The following TBC1D14 variants were observed in gnomAD, a reference collection of about 807,000 sequenced individuals.
The protein encoded by TBC1D14 is TBC1 domain family, member 14.
A neutral mutation model predicts 79.0 loss-of-function variants in TBC1D14; 26 were observed. The ratio of observed to expected loss-of-function variants is 0.33; its 90% CI spans 0.24 to 0.46. The LOEUF is 0.46. TBC1D14 is among the 20% of genes least tolerant of loss of function. TBC1D14 has a pLI of 1.00. For synonymous variants in TBC1D14, 394 were observed against 349.9 expected, an observed-to-expected ratio of 1.13 and a Z score of -1.40; for missense variants, 769 against 887.6, an observed-to-expected ratio of 0.87 and a Z score of 1.70.
At chr4:6,984,455 A>T (rs1188253049) in intron 3 of TBC1D14, among the ~76,000 whole-genome samples, 1 of 151,326 alleles carries the variant, frequency 6.6e-6, no homozygotes, top group Admixed American at 6.6e-5. Flanking sequence ...ACCTTGCTGC[A>T]GTAATAATTC....
intron 3 of TBC1D14, among the ~76,000 whole-genome samples, chr4:6,991,533 C>G (rs754181969): frequency 2.6e-5 from 4 of 152,340 alleles, no homozygotes; most frequent in South Asian, 4.1e-4. Flanking sequence ...AGGCAGGAAA[C>G]CATGCCTGCC....
chr4:6,909,596 G>C (rs541214912), upstream of TBC1D14: 2 of 151,582 alleles, frequency 1.3e-5, no homozygotes, highest in East Asian at 3.9e-4. Flanking sequence ...TGGTTCTCCG[G>C]CAAAAAAAAA....
At chr4:7,013,586 G>A (rs1455146904) in intron 11 of TBC1D14, among the ~76,000 whole-genome samples, 1 of 152,156 alleles carries the variant, frequency 6.6e-6, no homozygotes, top group African/African-American at 2.4e-5. Flanking sequence ...GGGCTGTAAC[G>A]CCCTCCTTTC....
intron 5 of TBC1D14, chr4:6,997,172 T>C (rs1273529501): frequency 6.6e-6 from 1 of 152,242 alleles, no homozygotes; most frequent in Admixed American, 6.6e-5. Context: ...CCATCCCTGA[T>C]AGAGGACCGG....
intron 2 of TBC1D14, among the ~76,000 whole-genome samples, chr4:6,937,405 C>T (rs1409519280): frequency 6.6e-6 from 1 of 152,158 alleles, no homozygotes; most frequent in Non-Finnish European, 1.5e-5. Flanking sequence ...CCCTCATGAC[C>T]TAGTCACCTC....
chr4:6,955,323 A>G (rs1216042327), intron 2 of TBC1D14, among the ~76,000 whole-genome samples: 1 of 152,114 alleles, frequency 6.6e-6, no homozygotes, highest in Non-Finnish European at 1.5e-5. Context: ...GAATAACAGG[A>G]TTGCTATGTC....
At chr4:6,937,074 C>T (rs998499515) in intron 2 of TBC1D14, among the ~76,000 whole-genome samples, 5 of 152,076 alleles carry the variant, frequency 3.3e-5, no homozygotes, top group East Asian at 1.9e-4. Flanking sequence ...TGTGCCACTG[C>T]GCCCGGCTAA....
intron 9 of TBC1D14, chr4:7,007,537 T>C: frequency 7.8e-7 from 1 of 1,289,386 alleles, no homozygotes; most frequent in Non-Finnish European, 1.0e-6. Flanking sequence ...CTCATCTTTG[T>C]GGATTTCCGT....
At chr4:7,024,146 G>T (rs973061603) in intron 12 of TBC1D14, among the ~76,000 whole-genome samples, 6 of 152,192 alleles carry the variant, frequency 3.9e-5, no homozygotes, top group Admixed American at 6.5e-5. Flanking sequence ...TTGTGAGCAG[G>T]TTGACCAGTG....
At chr4:7,017,521 G>C (rs1242918374) in intron 12 of TBC1D14, among the ~76,000 whole-genome samples, 1 of 152,196 alleles carries the variant, frequency 6.6e-6, no homozygotes, top group Non-Finnish European at 1.5e-5. Context: ...GGAATAGCAT[G>C]TCGAGTGTAG....
At position 6,923,933 on chromosome 4, in the gene TBC1D14, G is replaced by T; in HGVS notation, c.544G>T (p.Val182Phe). The T allele has an allele frequency of 1.2e-6, 2 of 1,614,120 alleles. No individual in the cohort carries two copies. Among genetic ancestry groups the T allele is most frequent in the Non-Finnish European group, 1.7e-6 (2 of 1,180,030 alleles). ...CAATGAGGACATCTTGGACCTTGTG[G>T]TCACGAGCAGCTCCAGTGCCATTGT... Reference protein sequence around the residue: ...VSNEDILDLVVTSSSSAIVTL... With the variant: ...VSNEDILDLVFTSSSSAIVTL... Residue 182 changes from valine (V) to phenylalanine (F), a missense_variant, in exon 2 of 14, where the codon GTC (valine) becomes TTC (phenylalanine). Val to Phe is a conservative substitution (Grantham distance 50). Transcript: ENST00000409757.
chr4:6,929,656 G>A (rs1345398177), intron 2 of TBC1D14, among the ~76,000 whole-genome samples: 4 of 152,150 alleles, frequency 2.6e-5, no homozygotes, highest in Admixed American at 6.5e-5. Flanking sequence ...ACGCCCAGAT[G>A]GGGCAGGACT....
In TBC1D14 at chr4:6,998,150, A is replaced by C. The variant is rs139872278; in HGVS notation, c.1046-935A>C. On this transcript the variant is annotated intron_variant, in intron 5 of 13. Transcript: ENST00000409757. ...CTTTGAGAAGCCAAGGCGGGTGGTCAGGAGTTTGAGACCAGCCTGGCCAAC... is the reference window on the plus strand; with the variant it reads ...CTTTGAGAAGCCAAGGCGGGTGGTCCGGAGTTTGAGACCAGCCTGGCCAAC... Among the ~76,000 whole-genome samples, 470 of 152,186 alleles carry C rather than the reference A, an allele frequency of 3.1e-3. 1 individual carries two copies. Among genetic ancestry groups the C allele is most frequent in the African/African-American group, 0.011 (441 of 41,532 alleles).
At chr4:6,961,764 G>T (rs938957515) in intron 2 of TBC1D14, among the ~76,000 whole-genome samples, 2 of 152,170 alleles carry the variant, frequency 1.3e-5, no homozygotes, top group Admixed American at 1.3e-4. Context: ...CCTGCGGGGT[G>T]CCTGAAGGAG....
At chr4:6,972,756 A>G (rs1202992549) in intron 3 of TBC1D14, among the ~76,000 whole-genome samples, 1 of 151,994 alleles carries the variant, frequency 6.6e-6, no homozygotes, top group Non-Finnish European at 1.5e-5. Context: ...TCTCTTGGAC[A>G]CCCCTGGGGC....
At chr4:6,913,821 T>G (rs1723185140) in intron 1 of TBC1D14, among the ~76,000 whole-genome samples, 1 of 152,160 alleles carries the variant, frequency 6.6e-6, no homozygotes, top group African/African-American at 2.4e-5. Context: ...CATTTTGCAT[T>G]GAAAGTCTTT....
chr4:6,997,598 C>A (rs1719194334), intron 5 of TBC1D14, among the ~76,000 whole-genome samples: 1 of 152,052 alleles, frequency 6.6e-6, no homozygotes, highest in Non-Finnish European at 1.5e-5. Context: ...TGCACTCCAG[C>A]CTGGGTGACA....
Position 6,923,744 on chromosome 4 carries a change from G to A in TBC1D14, c.355G>A (p.Glu119Lys), listed in dbSNP as rs1318519422. ...SCAPPAPSST[E>K]REQSVRKSST... The stretch of plus-strand genomic sequence containing the variant: ...TGCGCCACCAGCTCCTAGCAGCACC[G>A]AGCGGGAACAGAGCGTGCGCAAATC... Residue 119 changes from glutamate (E) to lysine (K), a missense_variant, in exon 2 of 14, where the codon GAG (glutamate) becomes AAG (lysine). Physicochemically the swap from Glu to Lys is moderately conservative, Grantham distance 56. This residue lies in a region of TBC1D14 where 402 missense variants were observed against 393.2 expected (regional missense o/e 1.02). Transcript: ENST00000409757. 8 of 1,613,882 alleles carry A rather than the reference G, an allele frequency of 5.0e-6. No individual in the cohort carries two copies. The East Asian group carries it at 6.7e-5, about 13-fold the overall frequency.
At chr4:6,968,693 A>ACTGCCAG (rs1553862015) in intron 3 of TBC1D14, among the ~76,000 whole-genome samples, 1 of 148,108 alleles carries the variant, frequency 6.8e-6, no homozygotes, top group Non-Finnish European at 1.5e-5. Context: ...CTGACCGCCG[A>ACTGCCAG]GAGGAGGCTG....
Sources: gnomAD v4.1 joint callset for allele counts (sites outside exome capture counted in the v4.1 genomes callset) on GRCh38, gnomAD v4.1.1 for gene constraint, gnomAD v4.1.1 regional missense constraint, MANE v1.5 for transcripts, NCBI Gene and HGNC (gene_info 2026-07-23, HGNC 2026-07-21) for gene names.